Variants in ADCY2 observed in about 807,000 individuals in gnomAD.
ADCY2 encodes the protein adenylate cyclase type 2.
A neutral mutation model predicts 125.2 loss-of-function variants in ADCY2; 31 were observed. The observed-to-expected ratio is 0.25, with a 90% CI of 0.19 to 0.33. The LOEUF (loss-of-function observed/expected upper bound fraction) is 0.33, where lower values mean the gene tolerates loss of function less well. Among genes scored for constraint, ADCY2 ranks in the 10% least tolerant of loss-of-function variants. The pLI, the probability that ADCY2 is intolerant of heterozygous loss-of-function variation, is 1.00. For missense variants in ADCY2, 904 were observed against 1,418.2 expected, an observed-to-expected ratio of 0.64 and a Z score of 5.82; for synonymous variants, 512 against 548.4, an observed-to-expected ratio of 0.93 and a Z score of 0.93.
intron 2 of ADCY2, among the ~76,000 whole-genome samples, chr5:7,415,380 G>A (rs1318228194): frequency 1.3e-5 from 2 of 152,144 alleles, no homozygotes; most frequent in Non-Finnish European, 2.9e-5. Context: ...GCCTCATACT[G>A]TCACTTGTTT....
In ADCY2 at chr5:7,539,305, C is replaced by T. The variant is rs1734919155; in HGVS notation, c.570+18406C>T. 4.0e-5 allele frequency among the ~76,000 whole-genome samples: 6 copies of T among 151,754 alleles called. No individual in the cohort carries two copies. In the South Asian group the frequency reaches 1.2e-3, roughly 32 times the overall value. Reference sequence around the variant, plus strand: ...AGCTATCCAGCAGACATATTTTAAGCAACTGCTATATTCCAGTACTTTTCA... The same window carrying T: ...AGCTATCCAGCAGACATATTTTAAGTAACTGCTATATTCCAGTACTTTTCA... On this transcript the variant is annotated intron_variant, in intron 3 of 24. Coordinates refer to ENST00000338316, the MANE Select transcript of ADCY2 (RefSeq NM_020546.3).
chr5:7,592,791 T>C (rs916442883), intron 3 of ADCY2, among the ~76,000 whole-genome samples: 5 of 152,140 alleles, frequency 3.3e-5, no homozygotes, highest in Non-Finnish European at 7.3e-5. Context: ...CTGGGCTTCA[T>C]CTTGTACCAG....
intron 4 of ADCY2, among the ~76,000 whole-genome samples, chr5:7,634,294 T>TC (rs1738420990): frequency 6.6e-6 from 1 of 152,226 alleles, no homozygotes; most frequent in South Asian, 2.1e-4. Flanking sequence ...CTGTAACAAA[T>TC]TGAAGGTTAG....
In ADCY2 at chr5:7,655,703, C is replaced by A. The variant is rs1222014820; in HGVS notation, c.720+29387C>A. ...ATGGCTCATCTGGGCATGCCGTGGC[C>A]CAGTCAAGTGGACATGTAGAATTAA... On this transcript the variant is annotated intron_variant, in intron 4 of 24. Transcript: ENST00000338316. 6.6e-5 allele frequency among the ~76,000 whole-genome samples: 10 copies of A among 152,294 alleles called. No homozygotes were observed. The East Asian group carries it at 1.9e-3, about 29-fold the overall frequency.
At chr5:7,534,942 T>C (rs1052727146) in intron 3 of ADCY2, among the ~76,000 whole-genome samples, 2 of 152,244 alleles carry the variant, frequency 1.3e-5, no homozygotes, top group African/African-American at 4.8e-5. Context: ...TTCACTCTGC[T>C]TATTTCTATG....
At chr5:7,820,127 C>T (rs964157451) in intron 23 of ADCY2, among the ~76,000 whole-genome samples, 2 of 152,150 alleles carry the variant, frequency 1.3e-5, no homozygotes, top group South Asian at 4.1e-4. Flanking sequence ...TATTTCTTAC[C>T]TCTTCTGTAC....
At chr5:7,644,346 G>A (rs1017307076) in intron 4 of ADCY2, among the ~76,000 whole-genome samples, 2 of 151,918 alleles carry the variant, frequency 1.3e-5, no homozygotes, top group African/African-American at 4.8e-5. Flanking sequence ...TATTCTTGAG[G>A]CATCACCTGG....
chr5:7,607,042 C>G (rs993933876), intron 3 of ADCY2, among the ~76,000 whole-genome samples: 2 of 152,152 alleles, frequency 1.3e-5, no homozygotes, highest in Non-Finnish European at 2.9e-5. Flanking sequence ...TTCTGTGAGC[C>G]CTTTGATCCT....
intron 2 of ADCY2, among the ~76,000 whole-genome samples, chr5:7,457,087 A>G (rs1024505189): frequency 6.6e-6 from 1 of 152,290 alleles, no homozygotes; most frequent in African/African-American, 2.4e-5. Context: ...AACAAACTCT[A>G]CAGATGGTCC....
At chr5:7,486,717 C>CAA (rs143830738) in intron 2 of ADCY2, among the ~76,000 whole-genome samples, 259 of 150,320 alleles carry the variant, frequency 1.7e-3, no homozygotes, top group African/African-American at 6.0e-3. Context: ...GAGAAATTTA[C>CAA]AAAAAAAGAA....
intron 18 of ADCY2, among the ~76,000 whole-genome samples, chr5:7,774,989 A>G (rs1344248027): frequency 2.6e-5 from 4 of 152,156 alleles, no homozygotes; most frequent in African/African-American, 9.7e-5. Context: ...TGTGTTACAT[A>G]TAATCCAGTT....
At chr5:7,695,329 C>T (rs6555486) in intron 5 of ADCY2, among the ~76,000 whole-genome samples, 78,908 of 151,996 alleles carry the variant, frequency 0.52, 20,978 homozygotes, top group Admixed American at 0.57. Context: ...TGATTTGTAA[C>T]TGGACATTTG....
At chr5:7,595,885 G>T (rs1344723744) in intron 3 of ADCY2, among the ~76,000 whole-genome samples, 1 of 152,110 alleles carries the variant, frequency 6.6e-6, no homozygotes. Flanking sequence ...TACATATTAA[G>T]TACACACTCA....
chr5:7,541,043 T>C (rs1734979395), intron 3 of ADCY2, among the ~76,000 whole-genome samples: 1 of 152,174 alleles, frequency 6.6e-6, no homozygotes, highest in Non-Finnish European at 1.5e-5. Flanking sequence ...CTGACCAGTG[T>C]GCATGATCTC....
intron 2 of ADCY2, among the ~76,000 whole-genome samples, chr5:7,467,110 A>G (rs1742150024): frequency 6.6e-6 from 1 of 152,206 alleles, no homozygotes; most frequent in South Asian, 2.1e-4. Flanking sequence ...GAGATAAGAG[A>G]GAGCTTAAGT....
intron 4 of ADCY2, among the ~76,000 whole-genome samples, chr5:7,632,564 C>A (rs1738351287): frequency 6.6e-6 from 1 of 152,066 alleles, no homozygotes; most frequent in African/African-American, 2.4e-5. Context: ...GAAGACTACA[C>A]ATACACTTTA....
At chr5:7,664,180 T>C (rs1241271318) in intron 4 of ADCY2, among the ~76,000 whole-genome samples, 1 of 152,204 alleles carries the variant, frequency 6.6e-6, no homozygotes, top group Non-Finnish European at 1.5e-5. Flanking sequence ...TAAAGCCTTC[T>C]AATAAAAACA....
chr5:7,589,506 GAAAGA>G (rs398108564), intron 3 of ADCY2, among the ~76,000 whole-genome samples: 1 of 93,840 alleles, frequency 1.1e-5, no homozygotes, highest in African/African-American at 3.6e-5. Context: ...AAGAAAGAAA[GAAAGA>G]AAAGAAAAGA....
intron 16 of ADCY2, among the ~76,000 whole-genome samples, chr5:7,764,572 A>G (rs1403943072): frequency 6.6e-6 from 1 of 152,242 alleles, no homozygotes; most frequent in Non-Finnish European, 1.5e-5. Flanking sequence ...TAATTCTGAT[A>G]TGTTTTAAAT....
Sources: gnomAD v4.1 joint callset for allele counts (sites outside exome capture counted in the v4.1 genomes callset) on GRCh38, gnomAD v4.1.1 for gene constraint, MANE v1.5 for transcripts, NCBI Gene and HGNC (gene_info 2026-07-23, HGNC 2026-07-21) for gene names.